Variants in ATRNL1 observed in about 807,000 individuals in gnomAD.
ATRNL1 encodes attractin like 1.
A neutral mutation model predicts 182.7 loss-of-function variants in ATRNL1; 95 were observed. The observed-to-expected ratio is 0.52, with a 90% CI of 0.44 to 0.62. The LOEUF is 0.62. ATRNL1 is among the 20% of genes least tolerant of loss of function. The pLI is 0.00. For synonymous variants in ATRNL1, 576 were observed against 568.3 expected (o/e 1.01, Z -0.19); for missense variants, 1,471 against 1,679.5 (o/e 0.88, Z 2.17).
chr10:115,920,300 T>G (rs1022426909), intron 28 of ATRNL1, among the ~76,000 whole-genome samples: 2 of 152,204 alleles, frequency 1.3e-5, no homozygotes, highest in African/African-American at 4.8e-5. Context: ...TATTCTGATC[T>G]TATCAGGCAC....
intron 13 of ATRNL1, among the ~76,000 whole-genome samples, chr10:115,269,556 A>T (rs948980834): frequency 1.3e-5 from 2 of 151,452 alleles, no homozygotes; most frequent in Non-Finnish European, 2.9e-5. Context: ...CTGGTCTTGA[A>T]CTCCTGGCCT....
chr10:115,462,516 G>T (rs1847861680), intron 22 of ATRNL1, among the ~76,000 whole-genome samples: 1 of 151,954 alleles, frequency 6.6e-6, no homozygotes, highest in Non-Finnish European at 1.5e-5. Context: ...GGAGGCTGAG[G>T]CAGGAGATTT....
At chr10:115,300,003 C>T in intron 15 of ATRNL1, 31 bp from the exon 16 acceptor site, 1 of 1,521,786 alleles carries the variant, frequency 6.6e-7, no homozygotes, top group Non-Finnish European at 9.1e-7. Context: ...ATCTAACTTT[C>T]TTTGAATGCC....
chr10:115,554,342 T>A (rs1853185222), intron 26 of ATRNL1, among the ~76,000 whole-genome samples: 1 of 151,662 alleles, frequency 6.6e-6, no homozygotes, highest in Non-Finnish European at 1.5e-5. Context: ...TGCATTATCA[T>A]ACTTTCAAAA....
At chr10:115,554,758 T>G (rs1283433688) in intron 26 of ATRNL1, among the ~76,000 whole-genome samples, 1 of 151,686 alleles carries the variant, frequency 6.6e-6, no homozygotes, top group African/African-American at 2.4e-5. Flanking sequence ...GTGAACTGTT[T>G]CATAATTATA....
chr10:115,603,877 G>A (rs1190301648), intron 26 of ATRNL1, among the ~76,000 whole-genome samples: 1 of 152,164 alleles, frequency 6.6e-6, no homozygotes, highest in East Asian at 1.9e-4. Flanking sequence ...TATGGAAAAT[G>A]TTTTATTTTG....
rs1846560073 is a variant in ATRNL1 at position 115,157,193 on chromosome 10, T to TG, written c.830-2846dup. Among the ~76,000 whole-genome samples the TG allele has an allele frequency of 3.3e-5, 5 of 152,116 alleles. No individual in the cohort carries two copies. The South Asian group carries it at 1.0e-3, about 32-fold the overall frequency. On this transcript the variant is annotated intron_variant, in intron 5 of 28. Transcript: ENST00000355044. Reference sequence around the variant, plus strand: ...TGTATACATGTATCAAAATATTACATGTAGACCATAAATGTGTATAATTGT... The same window carrying TG: ...TGTATACATGTATCAAAATATTACATGGTAGACCATAAATGTGTATAATTGT...
intron 26 of ATRNL1, among the ~76,000 whole-genome samples, chr10:115,651,015 A>G (rs373993165): frequency 1.3e-5 from 2 of 152,262 alleles, no homozygotes; most frequent in Non-Finnish European, 2.9e-5. Context: ...ATGTGCTTCA[A>G]TACATATACT....
chr10:115,339,910 AG>A (rs1554937770), intron 19 of ATRNL1, among the ~76,000 whole-genome samples: 3 of 152,156 alleles, frequency 2.0e-5, no homozygotes, highest in Non-Finnish European at 4.4e-5. Context: ...TTTATCATGA[AG>A]GGATCTTGAA....
chr10:115,500,186 A>C (rs942257559), intron 24 of ATRNL1, among the ~76,000 whole-genome samples: 10 of 152,164 alleles, frequency 6.6e-5, no homozygotes, highest in African/African-American at 2.4e-4. Context: ...TATGTATGTA[A>C]ATAGATTGCT....
intron 1 of ATRNL1, among the ~76,000 whole-genome samples, chr10:115,105,160 A>G (rs1436975499): frequency 6.6e-6 from 1 of 152,168 alleles, no homozygotes; most frequent in African/African-American, 2.4e-5. Flanking sequence ...ACATTTTAAC[A>G]ATATTGATTC....
At chr10:115,191,697 T>C (rs1848175080) in intron 8 of ATRNL1, among the ~76,000 whole-genome samples, 1 of 152,004 alleles carries the variant, frequency 6.6e-6, no homozygotes, top group African/African-American at 2.4e-5. Flanking sequence ...TCATAGTTCC[T>C]CCTGTGTTCA....
intron 15 of ATRNL1, among the ~76,000 whole-genome samples, chr10:115,286,758 TG>T (rs1443841698): frequency 2.0e-5 from 3 of 152,084 alleles, no homozygotes; most frequent in African/African-American, 7.2e-5. Context: ...TCTGTATCTA[TG>T]GATTCTGCAT....
At chr10:115,368,129 T>A (rs2134183667) in intron 19 of ATRNL1, among the ~76,000 whole-genome samples, 1 of 152,326 alleles carries the variant, frequency 6.6e-6, no homozygotes, top group South Asian at 2.1e-4. Flanking sequence ...CCAGGCTCGC[T>A]GCTGCCTTAC....
rs567704635 is a variant in ATRNL1 at position 115,694,583 on chromosome 10, A to G, written c.3796-32665A>G. ...AGATACTGCTATATTCATTTTGTGT[A>G]TACTGAATGTTATTTCTGACATTCT... On this transcript the variant is annotated intron_variant, in intron 26 of 28. Coordinates refer to ENST00000355044, the MANE Select transcript of ATRNL1 (RefSeq NM_207303.4). 2.6e-4 allele frequency among the ~76,000 whole-genome samples: 39 copies of G among 152,290 alleles called. No homozygotes were observed. The South Asian group carries it at 7.7e-3, about 30-fold the overall frequency.
intron 28 of ATRNL1, among the ~76,000 whole-genome samples, chr10:115,883,386 C>T (rs1340879420): frequency 6.6e-6 from 1 of 152,212 alleles, no homozygotes; most frequent in Non-Finnish European, 1.5e-5. Flanking sequence ...TTTAGATAAA[C>T]ACCCCACAGA....
intron 27 of ATRNL1, among the ~76,000 whole-genome samples, chr10:115,772,311 G>C (rs1949012821): frequency 6.6e-6 from 1 of 152,062 alleles, no homozygotes; most frequent in South Asian, 2.1e-4. Flanking sequence ...TTAATATTTA[G>C]GCAACTAATT....
intron 27 of ATRNL1, among the ~76,000 whole-genome samples, chr10:115,736,965 C>T (rs1366027576): frequency 6.6e-6 from 1 of 151,754 alleles, no homozygotes; most frequent in African/African-American, 2.4e-5. Context: ...GTTTTCTTAC[C>T]GTGTGAGTTG....
Position 115,554,642 on chromosome 10 carries a change from A to C in ATRNL1, c.3795+5106A>C, listed in dbSNP as rs531914457. ...ACACACACACACACATACACGTGCAAAGTTCTTAGGGGAGCACCTGGATTT... is the reference window on the plus strand; with the variant it reads ...ACACACACACACACATACACGTGCACAGTTCTTAGGGGAGCACCTGGATTT... On this transcript the variant is annotated intron_variant, in intron 26 of 28. Transcript: ENST00000355044. Among the ~76,000 whole-genome samples the C allele has an allele frequency of 3.6e-4, 55 of 151,624 alleles. 2 individuals carry two copies. The highest frequency in any genetic ancestry group is 6.8e-3 in the Middle Eastern group (2 of 294).
Sources: gnomAD v4.1 joint callset for allele counts (sites outside exome capture counted in the v4.1 genomes callset) on GRCh38, gnomAD v4.1.1 for gene constraint, MANE v1.5 for transcripts, NCBI Gene and HGNC (gene_info 2026-07-23, HGNC 2026-07-21) for gene names.